Variants in DACT1 observed in about 807,000 individuals in gnomAD.
DACT1 encodes dapper homolog 1.
In DACT1, 19 loss-of-function variants were observed where a neutral mutation model predicts 35.3. The ratio of observed to expected loss-of-function variants is 0.54; its 90% CI spans 0.38 to 0.79. DACT1 has a LOEUF of 0.79. Ranked by LOEUF, DACT1 falls within the 30% of genes least tolerant of loss-of-function variation. The pLI is 0.00. For missense variants in DACT1, 1,143 were observed against 1,057.5 expected (o/e 1.08, Z -1.12); for synonymous variants, 545 against 466.7 (o/e 1.17, Z -2.16).
chr14:58,643,168 ATTG>A (rs1447725171), intron 3 of DACT1, among the ~76,000 whole-genome samples: 2 of 152,200 alleles, frequency 1.3e-5, no homozygotes, highest in Admixed American at 6.5e-5. Flanking sequence ...GAATTCAGAA[ATTG>A]TTGTTTTCAA....
chr14:58,643,434 AAAC>A (rs1455774406), intron 3 of DACT1, among the ~76,000 whole-genome samples: 1 of 152,200 alleles, frequency 6.6e-6, no homozygotes, highest in Admixed American at 6.5e-5. Flanking sequence ...CAGGCAAGGC[AAAC>A]AACACTGAGC....
At position 58,646,838 on chromosome 14, in the gene DACT1, G is replaced by C. The variant is rs768719388; in HGVS notation, c.2104G>C (p.Val702Leu). 11 of 1,614,044 alleles carry C rather than the reference G, an allele frequency of 6.8e-6. No homozygotes were observed. Among genetic ancestry groups the C allele is most frequent in the Non-Finnish European group, 9.3e-6 (11 of 1,180,016 alleles). ...ECESLFHSTV[V>L]DTSEDEQSNY... ...CGAGTCCCTGTTCCACTCCACCGTG[G>C]TGGACACCAGTGAGGACGAGCAGAG... Residue 702 changes from valine (V) to leucine (L), a missense_variant, in exon 4 of 4, where the codon GTG becomes CTG. Val to Leu is a conservative substitution (Grantham distance 32, BLOSUM62 1). This residue lies in a region of DACT1 where 1,054 missense variants were observed against 958.8 expected (regional missense o/e 1.10). Transcript: ENST00000395153.
intron 3 of DACT1, among the ~76,000 whole-genome samples, chr14:58,643,466 G>A (rs2047646110): frequency 6.6e-6 from 1 of 152,208 alleles, no homozygotes; most frequent in Non-Finnish European, 1.5e-5. Flanking sequence ...GAGCTAATTG[G>A]CTGGTGTCTT....
chr14:58,646,307 G>T lies in DACT1; in HGVS notation c.1573G>T (p.Gly525Trp), dbSNP rs747959079. Reference protein sequence around the residue: ...AHLVKAQFIPGQQPSVRLHRG... With the variant: ...AHLVKAQFIPWQQPSVRLHRG... ...CCTGGTCAAGGCCCAGTTTATCCCG[G>T]GGCAGCAGCCCAGTGTCAGGCTCCA... is the stretch of plus-strand genomic sequence containing the variant. Residue 525 changes from glycine (G) to tryptophan (W), a missense_variant, in exon 4 of 4, where the codon GGG (glycine) becomes TGG (tryptophan). By Grantham distance (184) the Gly-to-Trp change is radical. Around this residue, in one of 3 missense-constraint regions of DACT1, gnomAD observed 1,054 missense variants for 958.8 expected, o/e 1.10. Transcript: ENST00000395153. 27 of 1,610,538 alleles carry T rather than the reference G, an allele frequency of 1.7e-5. No homozygotes were observed. Among genetic ancestry groups the T allele is most frequent in the Admixed American group, 1.0e-4 (6 of 58,714 alleles).
In DACT1 at chr14:58,638,075, C is replaced by G. The variant is rs78043365; in HGVS notation, c.-128C>G. ...GCAGGACTCGAGGGCTTCTAGCCAC[C>G]GTCCCCGCCAGCGCCGCGCCCCGCC... On this transcript the variant is annotated 5_prime_UTR_variant, in exon 1 of 4. Coordinates refer to ENST00000395153, the MANE Select transcript of DACT1 (RefSeq NM_001079520.2). 1 of 1,028,624 alleles carries G rather than the reference C, an allele frequency of 9.7e-7. No individual in the cohort carries two copies. The highest frequency in any genetic ancestry group is 1.2e-6 in the Non-Finnish European group (1 of 814,790). 63.7% of individuals were successfully genotyped at this position (1,028,624 alleles called of 1,614,324 possible).
chr14:58,645,018 A>G (rs181625218), intron 3 of DACT1, among the ~76,000 whole-genome samples: 1,646 of 152,356 alleles, frequency 0.011, 16 homozygotes, highest in Middle Eastern at 0.044. Flanking sequence ...CAGTAGTTTG[A>G]AAACACTCTT....
At chr14:58,636,838 C>T (rs1051120966), upstream of DACT1, among the ~76,000 whole-genome samples, 4 of 151,692 alleles carry the variant, frequency 2.6e-5, no homozygotes, top group Admixed American at 6.6e-5. Flanking sequence ...CCTATCCCAC[C>T]GGAAATTTCA....
chr14:58,639,068 A>G (rs1364000250), intron 1 of DACT1: 4 of 985,128 alleles, frequency 4.1e-6, no homozygotes, highest in Non-Finnish European at 4.8e-6. Flanking sequence ...TGCCTCTCCG[A>G]GAGCTCTCCC....
rs1318212068 is a variant in DACT1, at chr14:58,647,889, A to G, written c.*755A>G. 5 of 167,038 alleles carry G rather than the reference A, an allele frequency of 3.0e-5. No individual in the cohort carries two copies. Among genetic ancestry groups the G allele is most frequent in the African/African-American group, 1.2e-4 (5 of 41,416 alleles). The allele number at this position is 167,038 out of a possible 1,614,324, so 10.3% of individuals were successfully genotyped here. ...CAACCTTTCATTCCTTGGAGGATTT[A>G]GTTTTGGGATAAAATTTTGGTCCTT... On this transcript the variant is annotated 3_prime_UTR_variant, in exon 4 of 4. Transcript: ENST00000395153.
At chr14:58,645,233 G>A in intron 3 of DACT1, 136 bp from the exon 4 acceptor site, 1 of 1,588,150 alleles carries the variant, frequency 6.3e-7, no homozygotes, top group Non-Finnish European at 8.6e-7. Context: ...CATTTCTTCA[G>A]AGTGTACCTT....
In DACT1 at chr14:58,646,976, T is replaced by G. The variant is rs1316310034; in HGVS notation, c.2242T>G (p.Ser748Ala). The change falls in exon 4 of 4, where the codon TCC becomes GCC. Residue 748 changes from serine to alanine, a missense_variant. Coordinates refer to ENST00000395153, the MANE Select transcript of DACT1 (RefSeq NM_001079520.2). ...DSEESGGLIW[S>A]QFVQTLPIQT... is the part of the protein sequence containing the mutation. Reference sequence around the variant, plus strand: ...TGAAGAAAGCGGGGGCTTAATTTGGTCCCAGTTTGTCCAGACTCTGCCCAT... The same window carrying G: ...TGAAGAAAGCGGGGGCTTAATTTGGGCCCAGTTTGTCCAGACTCTGCCCAT... 6.2e-6 allele frequency: 10 copies of G among 1,614,160 alleles called. No homozygotes were observed. Among genetic ancestry groups the G allele is most frequent in the Non-Finnish European group, 8.5e-6 (10 of 1,180,028 alleles).
intron 1 of DACT1, among the ~76,000 whole-genome samples, chr14:58,639,729 T>C (rs2047609349): frequency 6.6e-6 from 1 of 152,264 alleles, no homozygotes; most frequent in Non-Finnish European, 1.5e-5. Context: ...TTCATATGCA[T>C]GTGTTTTGTA....
chr14:58,647,287 C>A lies in DACT1; in HGVS notation c.*153C>A. ...AAGGTAAATTATTGTTTCATCTTCA[C>A]GTATGGATGCTAGTGCCTTTAATGG... On this transcript the variant is annotated 3_prime_UTR_variant, in exon 4 of 4. Coordinates refer to ENST00000395153, the MANE Select transcript of DACT1 (RefSeq NM_001079520.2). The A allele has an allele frequency of 1.2e-6, 1 of 869,548 alleles. No homozygotes were observed. The highest frequency in any genetic ancestry group is 1.8e-6 in the Non-Finnish European group (1 of 569,956). 53.9% of individuals were successfully genotyped at this position (869,548 alleles called of 1,614,324 possible). A position where few individuals can be genotyped will look rare whatever the true frequency, so the allele number is the denominator to read the frequency against.
chr14:58,635,834 G>A (rs1392990010), upstream of DACT1, among the ~76,000 whole-genome samples: 1 of 152,086 alleles, frequency 6.6e-6, no homozygotes, highest in Non-Finnish European at 1.5e-5. Context: ...CATAACACAG[G>A]CCACAATAAT....
At chr14:58,644,807 A>C (rs1243108261) in intron 3 of DACT1, among the ~76,000 whole-genome samples, 1 of 152,248 alleles carries the variant, frequency 6.6e-6, no homozygotes, top group Non-Finnish European at 1.5e-5. Flanking sequence ...TAAACGCAGT[A>C]CAGACAGTTT....
At chr14:58,635,979 G>A (rs934608635), upstream of DACT1, among the ~76,000 whole-genome samples, 2 of 152,154 alleles carry the variant, frequency 1.3e-5, no homozygotes, top group East Asian at 1.9e-4. Context: ...CTATCCTTTC[G>A]TGCCTTACTA....
At chr14:58,636,930 C>T (rs903981815), upstream of DACT1, among the ~76,000 whole-genome samples, 1 of 152,084 alleles carries the variant, frequency 6.6e-6, no homozygotes, top group African/African-American at 2.4e-5. Context: ...TTATAAATCC[C>T]TCTGGAGAAA....
intron 3 of DACT1, among the ~76,000 whole-genome samples, chr14:58,643,615 A>G (rs2140216412): frequency 6.6e-6 from 1 of 152,346 alleles, no homozygotes; most frequent in East Asian, 1.9e-4. Context: ...TTATAAACCC[A>G]TTAAAGGCAC....
chr14:58,639,877 G>GTTT (rs2047610959), intron 1 of DACT1, among the ~76,000 whole-genome samples: 1 of 152,158 alleles, frequency 6.6e-6, no homozygotes, highest in Non-Finnish European at 1.5e-5. Flanking sequence ...ACATTTTATT[G>GTTT]TTTTGTGCAA....
Sources: gnomAD v4.1 joint callset for allele counts (sites outside exome capture counted in the v4.1 genomes callset) on GRCh38, gnomAD v4.1.1 for gene constraint, gnomAD v4.1.1 regional missense constraint, MANE v1.5 for transcripts, NCBI Gene and HGNC (gene_info 2026-07-23, HGNC 2026-07-21) for gene names.